The following ZSCAN18 variants were observed in gnomAD, a reference collection of about 807,000 sequenced individuals.
ZSCAN18 encodes zinc finger and SCAN domain containing 18.
A neutral mutation model predicts 31.1 loss-of-function variants in ZSCAN18; 16 were observed. The observed-to-expected ratio is 0.51, with a 90% CI of 0.35 to 0.78. The LOEUF (loss-of-function observed/expected upper bound fraction) is 0.78, where lower values mean the gene tolerates loss of function less well. ZSCAN18 is among the 30% of genes least tolerant of loss of function. ZSCAN18 has a pLI of 0.01. For synonymous variants in ZSCAN18, 375 were observed against 320.7 expected (o/e 1.17, Z -1.81); for missense variants, 731 against 697.4 (o/e 1.05, Z -0.54).
chr19:58,108,248 A>G (rs139887506), intron 1 of ZSCAN18: 10,381 of 985,542 alleles, frequency 0.011, 96 homozygotes, highest in Admixed American at 0.056. Flanking sequence ...TTCTACACCC[A>G]GTACATACAT....
In ZSCAN18 at chr19:58,085,008, C is replaced by G. The variant is rs1265445370; in HGVS notation, c.1210G>C (p.Glu404Gln). 1.1e-5 allele frequency: 18 copies of G among 1,592,186 alleles called. No homozygotes were observed. The East Asian group carries it at 4.1e-4, about 36-fold the overall frequency. ...GGCTTCCCGCGGGACAAGCCCGGCT[C>G]GTCAGCCCCAGGGCCCTGCCCGGCC... ...LEAGQGPGAD[E>Q]PGLSRGKPYA... The change falls in exon 7 of 7, where the codon GAG (glutamate) becomes CAG (glutamine). Residue 404 changes from glutamate (E) to glutamine (Q), a missense_variant. Transcript: ENST00000601144.
At chr19:58,089,163 C>A (rs1056882775) in intron 2 of ZSCAN18, among the ~76,000 whole-genome samples, 2 of 149,072 alleles carry the variant, frequency 1.3e-5, no homozygotes, top group African/African-American at 5.0e-5. Context: ...ATTAGCCGGG[C>A]GTAGTGGCGG....
chr19:58,086,976 G>A lies in ZSCAN18; in HGVS notation c.675C>T (p.His225=), dbSNP rs1266837960. ...GGTCCAGGTGGCCCCACTCCCCCAG[G>A]TGCTGAGGGTCCTCTGGAAAGGACT... ...KLKSFPEDPQ[H]LGEWGHLDPA... is the part of the protein sequence containing the mutation. The change falls in exon 5 of 7, where the codon CAC becomes CAT. Residue 225 remains histidine, a synonymous_variant. Transcript: ENST00000601144. The A allele has an allele frequency of 1.2e-6, 2 of 1,613,724 alleles. No individual in the cohort carries two copies. Among genetic ancestry groups the A allele is most frequent in the Non-Finnish European group, 1.7e-6 (2 of 1,179,930 alleles).
chr19:58,114,391 G>A (rs546481209), intron 1 of ZSCAN18, among the ~76,000 whole-genome samples: 48 of 152,090 alleles, frequency 3.2e-4, no homozygotes, highest in Admixed American at 2.8e-3. Context: ...ACAGTATTAT[G>A]GTTATGCAAA....
upstream of ZSCAN18, chr19:58,098,284 C>T (rs1057077223): frequency 4.1e-6 from 4 of 985,362 alleles, no homozygotes; most frequent in Non-Finnish European, 4.8e-6. Flanking sequence ...ACGACTCCCA[C>T]AATGCCGCGA....
exon 1 of ZSCAN18, chr19:58,118,293 G>C (rs962016439): frequency 2.0e-6 from 3 of 1,505,640 alleles, no homozygotes; most frequent in Non-Finnish European, 2.7e-6. Flanking sequence ...CTCCGCGACC[G>C]GTGGGCGGGA....
At chr19:58,118,260 A>T in intron 1 of ZSCAN18, 1 of 1,408,926 alleles carries the variant, frequency 7.1e-7, no homozygotes, top group Non-Finnish European at 9.5e-7. Flanking sequence ...GGAGTCCTTG[A>T]CCCCACCCTC....
At chr19:58,096,091 G>A (rs902328320) in intron 1 of ZSCAN18, among the ~76,000 whole-genome samples, 3 of 152,172 alleles carry the variant, frequency 2.0e-5, no homozygotes, top group South Asian at 2.1e-4. Flanking sequence ...ACCGGGGCAG[G>A]TGCGGCAGCG....
At chr19:58,099,333 T>C (rs2074572874), upstream of ZSCAN18, among the ~76,000 whole-genome samples, 1 of 152,114 alleles carries the variant, frequency 6.6e-6, no homozygotes, top group Non-Finnish European at 1.5e-5. Context: ...CTTCACAGTG[T>C]CATATAAGTG....
chr19:58,112,199 A>C (rs1406571999), intron 1 of ZSCAN18, among the ~76,000 whole-genome samples: 1 of 152,074 alleles, frequency 6.6e-6, no homozygotes, highest in Non-Finnish European at 1.5e-5. Flanking sequence ...GATTCCCAGT[A>C]ATTTTTGTAT....
chr19:58,087,625 T>G, intron 3 of ZSCAN18: 1 of 539,308 alleles, frequency 1.9e-6, no homozygotes, highest in African/African-American at 2.0e-5. Flanking sequence ...GTCCACTGGA[T>G]TCATGGAAAT....
chr19:58,085,959 T>C (rs1306846249), intron 6 of ZSCAN18: 1 of 556,524 alleles, frequency 1.8e-6, no homozygotes, highest in Non-Finnish European at 3.3e-6. Context: ...ACCACTGCCG[T>C]TTCCACCGAC....
chr19:58,108,593 A>G (rs2074654334), intron 1 of ZSCAN18: 1 of 985,696 alleles, frequency 1.0e-6, no homozygotes, highest in African/African-American at 1.7e-5. Flanking sequence ...TTACAGGTAT[A>G]AGGGCTCTCT....
At position 58,085,180 on chromosome 19, in the gene ZSCAN18, G is replaced by A. The variant is rs1243126036; in HGVS notation, c.1038C>T (p.Ala346=). 5.0e-6 allele frequency: 8 copies of A among 1,610,484 alleles called. No individual in the cohort carries two copies. The highest frequency in any genetic ancestry group is 1.3e-5 in the African/African-American group (1 of 74,890). The change falls in exon 7 of 7, where the codon GCC becomes GCT. Residue 346 remains alanine (A), a synonymous_variant. Coordinates refer to ENST00000601144, the MANE Select transcript of ZSCAN18 (RefSeq NM_001145543.2). ...QDPQDAESDS[A]TGSQRQSVIQ... ...TGACGGACTGCCTCTGCGATCCGGT[G>A]GCAGAGTCGGACTCCGCGTCCTGGG...
At chr19:58,087,571 G>A (rs150442660) in intron 3 of ZSCAN18, 167 bp from the exon 4 acceptor site, 113 of 622,590 alleles carry the variant, frequency 1.8e-4, no homozygotes, top group Non-Finnish European at 2.7e-4. Flanking sequence ...ACAAAGCAGC[G>A]CGGTGGCCAC....
intron 2 of ZSCAN18, 126 bp downstream of exon 2, chr19:58,089,739 A>T: frequency 8.3e-7 from 1 of 1,208,492 alleles, no homozygotes. Context: ...TGGCCCGAGG[A>T]CCAAGGAGCT....
upstream of ZSCAN18, among the ~76,000 whole-genome samples, chr19:58,100,837 T>G (rs991358023): frequency 3.3e-5 from 5 of 151,088 alleles, no homozygotes; most frequent in Admixed American, 3.3e-4. Flanking sequence ...ATCGCACCAC[T>G]GCACTCCAGC....
Position 58,084,890 on chromosome 19 carries a change from C to A in ZSCAN18, c.1328G>T (p.Cys443Phe). The change falls in exon 7 of 7, where the codon TGT becomes TTT. Residue 443 changes from cysteine to phenylalanine, a missense_variant. This residue lies in a region of ZSCAN18 where 597 missense variants were observed against 499.5 expected (regional missense o/e 1.20). Transcript: ENST00000601144. This position sits in a 1 kb window ranked among gnomAD's most constrained non-coding sequence, Gnocchi z 4.5. ...SSHGGRKRYA[C>F]QGCWKTFHFS... The stretch of plus-strand genomic sequence containing the variant: ...GTGGAAGGTCTTCCAGCAGCCCTGA[C>A]AGGCGTAGCGCTTCCGGCCGCCATG... 1 of 1,595,906 alleles carries A rather than the reference C, an allele frequency of 6.3e-7. No homozygotes were observed. Among genetic ancestry groups the A allele is most frequent in the Non-Finnish European group, 8.5e-7 (1 of 1,173,058 alleles).
chr19:58,117,749 C>T (rs2074742922), intron 1 of ZSCAN18, among the ~76,000 whole-genome samples: 1 of 142,848 alleles, frequency 7.0e-6, no homozygotes, highest in African/African-American at 2.6e-5. Flanking sequence ...ATTGGGGAGG[C>T]TGAGGTTAAG....
Sources: allele counts gnomAD v4.1 joint callset (sites outside exome capture counted in the v4.1 genomes callset), GRCh38; gene constraint gnomAD v4.1.1; regional missense constraint gnomAD v4.1.1; non-coding constraint Gnocchi (gnomAD v3.1); transcripts MANE v1.5; gene names NCBI Gene and HGNC (gene_info 2026-07-23, HGNC 2026-07-21).